The following L3MBTL4 variants were observed in gnomAD, a reference collection of about 807,000 sequenced individuals.
L3MBTL4 encodes the protein L3MBTL histone methyl-lysine binding protein 4, also known as lethal(3)malignant brain tumor-like protein 4.
L3MBTL4 carries 70 observed loss-of-function variants against 84.5 expected under a neutral mutation model. That is an observed-to-expected ratio of 0.83 (90% CI 0.68 to 1.01). The LOEUF (loss-of-function observed/expected upper bound fraction) is 1.01. L3MBTL4 is among the 50% of genes least tolerant of loss of function. The pLI is 0.00. For synonymous variants in L3MBTL4, 274 were observed against 259.8 expected, an observed-to-expected ratio of 1.05 and a Z score of -0.52; for missense variants, 715 against 754.8, an observed-to-expected ratio of 0.95 and a Z score of 0.62.
chr18:6,166,644 C>A (rs2043673858), intron 13 of L3MBTL4, among the ~76,000 whole-genome samples: 1 of 152,036 alleles, frequency 6.6e-6, no homozygotes, highest in Admixed American at 6.6e-5. Context: ...AACAAAGACA[C>A]AACATACCAG....
intron 4 of L3MBTL4, among the ~76,000 whole-genome samples, chr18:6,291,892 C>A (rs564356596): frequency 1.3e-5 from 2 of 152,108 alleles, no homozygotes; most frequent in Non-Finnish European, 2.9e-5. Context: ...CGAAAGGAAC[C>A]ATCAACAAAG....
intron 16 of L3MBTL4, among the ~76,000 whole-genome samples, chr18:6,046,170 A>G (rs113229158): frequency 0.014 from 2,095 of 152,344 alleles, 18 homozygotes; most frequent in Non-Finnish European, 0.02. Flanking sequence ...AGGGTATTAC[A>G]TAATGATAAA....
intron 10 of L3MBTL4, 50 bp downstream of exon 10, chr18:6,237,914 T>C: frequency 1.5e-6 from 2 of 1,347,250 alleles, no homozygotes; most frequent in East Asian, 4.6e-5. Flanking sequence ...AAATGAGGAC[T>C]GCCACTCACA....
rs550578326 is a variant in L3MBTL4, at chr18:6,279,745, C to G, written c.128-15707G>C. ...TATTAAGATAATCCCTCATGAATAC[C>G]ACCCTGTAAGTCATCAGATTAACAA... On this transcript the variant is annotated intron_variant, in intron 4 of 18. Coordinates refer to ENST00000317931, the MANE Select transcript of L3MBTL4 (RefSeq NM_001330559.2). 5.9e-5 allele frequency among the ~76,000 whole-genome samples: 9 copies of G among 152,168 alleles called. No homozygotes were observed. In the South Asian group the frequency reaches 1.9e-3, roughly 32 times the overall value.
At chr18:6,010,844 A>G (rs1204714887) in intron 16 of L3MBTL4, among the ~76,000 whole-genome samples, 1 of 152,248 alleles carries the variant, frequency 6.6e-6, no homozygotes, top group African/African-American at 2.4e-5. Flanking sequence ...CTACGACAGC[A>G]AATTTAATAA....
intron 4 of L3MBTL4, among the ~76,000 whole-genome samples, chr18:6,283,328 G>T (rs2846428): frequency 2.6e-5 from 4 of 152,222 alleles, no homozygotes; most frequent in Admixed American, 2.6e-4. Flanking sequence ...TCCCAAAGAG[G>T]CTTCAGGAAA....
At chr18:6,096,726 T>A (rs2058656658) in intron 14 of L3MBTL4, among the ~76,000 whole-genome samples, 1 of 152,224 alleles carries the variant, frequency 6.6e-6, no homozygotes, top group Non-Finnish European at 1.5e-5. Context: ...AAGCTTTGGA[T>A]TTAGCCAAAT....
chr18:6,138,287 T>A lies in L3MBTL4; in HGVS notation c.1106A>T (p.Asp369Val). Residue 369 changes from aspartate to valine, a missense_variant, in exon 14 of 19, where the codon GAC becomes GTC. Physicochemically the swap from Asp to Val is radical, Grantham distance 152. Transcript: ENST00000317931. ...HPLEVPQRTN[D>V]LKILPGQAVC... ...AGCTTGACCTGGAAGGATCTTCAGG[T>A]CATTCGTTCCTTCAGGAAGTAAAAG... 5 of 1,609,390 alleles carry A rather than the reference T, an allele frequency of 3.1e-6. No homozygotes were observed. Among genetic ancestry groups the A allele is most frequent in the Non-Finnish European group, 4.2e-6 (5 of 1,177,158 alleles).
At chr18:5,964,696 T>C (rs1482637297) in intron 17 of L3MBTL4, among the ~76,000 whole-genome samples, 4 of 152,180 alleles carry the variant, frequency 2.6e-5, no homozygotes, top group East Asian at 1.9e-4. Context: ...CTTTAAGAAG[T>C]GGTTTTTAAT....
At chr18:6,125,805 T>C (rs1208216003) in intron 14 of L3MBTL4, among the ~76,000 whole-genome samples, 1 of 152,126 alleles carries the variant, frequency 6.6e-6, no homozygotes, top group Non-Finnish European at 1.5e-5. Flanking sequence ...CTAAAAATAA[T>C]AGAACAGACA....
chr18:6,285,202 G>A (rs2049515022), intron 4 of L3MBTL4, among the ~76,000 whole-genome samples: 1 of 152,226 alleles, frequency 6.6e-6, no homozygotes, highest in South Asian at 2.1e-4. Flanking sequence ...CCGGATGGTG[G>A]AGCCCACGTG....
intron 4 of L3MBTL4, among the ~76,000 whole-genome samples, chr18:6,301,662 G>T (rs1436645814): frequency 1.3e-5 from 2 of 152,052 alleles, no homozygotes; most frequent in Non-Finnish European, 2.9e-5. Flanking sequence ...TTTATTTAAA[G>T]CCTTTTTAAA....
At chr18:6,121,563 T>C (rs576807602) in intron 14 of L3MBTL4, among the ~76,000 whole-genome samples, 14 of 152,322 alleles carry the variant, frequency 9.2e-5, no homozygotes, top group African/African-American at 3.1e-4. Context: ...AGTTTCTTAT[T>C]GATATTTCAT....
chr18:6,293,955 G>A (rs553606288), intron 4 of L3MBTL4, among the ~76,000 whole-genome samples: 6 of 152,282 alleles, frequency 3.9e-5, no homozygotes, highest in East Asian at 3.9e-4. Context: ...GAGCTAATCC[G>A]TTTCCTATAA....
At chr18:6,245,265 G>C (rs181878619) in intron 5 of L3MBTL4, among the ~76,000 whole-genome samples, 1 of 152,286 alleles carries the variant, frequency 6.6e-6, no homozygotes, top group Non-Finnish European at 1.5e-5. Flanking sequence ...ATGGAAGACT[G>C]TTCTTATATG....
intron 16 of L3MBTL4, among the ~76,000 whole-genome samples, chr18:6,061,217 T>C (rs1418585287): frequency 6.6e-6 from 1 of 152,118 alleles, no homozygotes; most frequent in African/African-American, 2.4e-5. Flanking sequence ...TTTGTAGTGG[T>C]ATCTCATTTT....
At chr18:6,179,615 G>A (rs1422386886) in intron 12 of L3MBTL4, among the ~76,000 whole-genome samples, 1 of 152,142 alleles carries the variant, frequency 6.6e-6, no homozygotes, top group Non-Finnish European at 1.5e-5. Context: ...GGGTATGGCA[G>A]GGGACACACT....
At chr18:6,058,437 C>T (rs1023485368) in intron 16 of L3MBTL4, among the ~76,000 whole-genome samples, 12 of 151,996 alleles carry the variant, frequency 7.9e-5, no homozygotes, top group Admixed American at 5.9e-4. Context: ...CAAAACAGGC[C>T]TGTCTCCCCA....
At chr18:6,314,051 TAGATAGATAGATAG>T (rs2050965200) in intron 1 of L3MBTL4, among the ~76,000 whole-genome samples, 1 of 101,024 alleles carries the variant, frequency 9.9e-6, no homozygotes, top group African/African-American at 4.3e-5. Flanking sequence ...GATAGATAGA[TAGATAGATAGATAG>T]ATAGATAGAT....
Sources: allele counts gnomAD v4.1 joint callset (sites outside exome capture counted in the v4.1 genomes callset), GRCh38; gene constraint gnomAD v4.1.1; transcripts MANE v1.5; gene names NCBI Gene and HGNC (gene_info 2026-07-23, HGNC 2026-07-21).